The following METTL15 variants were observed in gnomAD, a reference collection of about 807,000 sequenced individuals.
METTL15 encodes the protein 12S rRNA N(4)-cytidine methyltransferase METTL15.
A neutral mutation model predicts 38.3 loss-of-function variants in METTL15; 34 were observed. That is an observed-to-expected ratio of 0.89 (90% CI 0.68 to 1.18). The LOEUF (loss-of-function observed/expected upper bound fraction) is 1.18. Ranked by LOEUF, METTL15 falls within the 50% of genes most tolerant of loss-of-function variation. METTL15 has a pLI of 0.00. For missense variants in METTL15, 438 were observed against 498.4 expected (o/e 0.88, Z 1.15); for synonymous variants, 162 against 170.9 (o/e 0.95, Z 0.41).
At chr11:28,296,634 A>G (rs1310351042) in intron 5 of METTL15, 119 bp from the exon 6 acceptor site, 2 of 1,029,796 alleles carry the variant, frequency 1.9e-6, no homozygotes, top group Non-Finnish European at 2.8e-6. Context: ...CTGACTTTAA[A>G]ACCTCACTTC....
chr11:28,395,811 C>T (rs553750785), intron 5 of METTL15, among the ~76,000 whole-genome samples: 19 of 152,224 alleles, frequency 1.2e-4, no homozygotes, highest in Non-Finnish European at 2.2e-4. Context: ...AATTTTAGAC[C>T]AATATCCCTG....
chr11:28,286,049 T>A (rs998193199), intron 4 of METTL15, among the ~76,000 whole-genome samples: 6 of 152,098 alleles, frequency 3.9e-5, no homozygotes, highest in Non-Finnish European at 8.8e-5. Flanking sequence ...GATAAATATA[T>A]ATATATGATA....
intron 5 of METTL15, among the ~76,000 whole-genome samples, chr11:28,405,191 A>G (rs1850663670): frequency 6.6e-6 from 1 of 152,068 alleles, no homozygotes; most frequent in African/African-American, 2.4e-5. Context: ...CTTTTTCACT[A>G]TATTATGTGC....
intron 5 of METTL15, among the ~76,000 whole-genome samples, chr11:28,295,662 A>C (rs1856704649): frequency 6.6e-6 from 1 of 152,088 alleles, no homozygotes. Flanking sequence ...ACAAAGAGAC[A>C]TCAAGAGAGA....
At chr11:28,391,996 G>T (rs1479535483) in intron 5 of METTL15, among the ~76,000 whole-genome samples, 1 of 152,114 alleles carries the variant, frequency 6.6e-6, no homozygotes, top group Non-Finnish European at 1.5e-5. Context: ...CTTCTGCACA[G>T]CAAAAGAAAC....
At chr11:28,200,266 T>G (rs1212072227) in intron 3 of METTL15, among the ~76,000 whole-genome samples, 1 of 152,174 alleles carries the variant, frequency 6.6e-6, no homozygotes, top group East Asian at 1.9e-4. Context: ...TTTACCTAAC[T>G]CTTCCTAAAC....
At chr11:28,503,102 T>C (rs1231916508) in intron 6 of METTL15, among the ~76,000 whole-genome samples, 1 of 152,148 alleles carries the variant, frequency 6.6e-6, no homozygotes, top group Non-Finnish European at 1.5e-5. Context: ...GACTCAGGCA[T>C]TAGATGGGTC....
intron 3 of METTL15, among the ~76,000 whole-genome samples, chr11:28,181,578 G>A (rs1348122027): frequency 9.0e-6 from 1 of 111,702 alleles, no homozygotes; most frequent in Non-Finnish European, 2.1e-5. Flanking sequence ...CTCTGCAAAG[G>A]ACATAAACTC....
rs1448773803 is a variant in METTL15, at chr11:28,258,394, T to G, written c.408-31812T>G. On this transcript the variant is annotated intron_variant, in intron 4 of 6. Coordinates refer to ENST00000407364, the MANE Select transcript of METTL15 (RefSeq NM_001113528.2). ...AACTACTCCCTGTCTACTGCCTATG[T>G]TCACTTCAGGCCCTGAGGCTCAACA... Among the ~76,000 whole-genome samples the G allele has an allele frequency of 2.0e-5, 3 of 152,234 alleles. No individual in the cohort carries two copies. The South Asian group carries it at 6.2e-4, about 32-fold the overall frequency.
At chr11:28,372,888 C>T (rs542742579) in intron 5 of METTL15, among the ~76,000 whole-genome samples, 15 of 146,360 alleles carry the variant, frequency 1.0e-4, no homozygotes, top group African/African-American at 3.5e-4. Flanking sequence ...TTTGTTCTTG[C>T]GATAGTTTAC....
chr11:28,473,954 C>A (rs1353537640), intron 6 of METTL15, among the ~76,000 whole-genome samples: 2 of 151,874 alleles, frequency 1.3e-5, no homozygotes, highest in Non-Finnish European at 2.9e-5. Flanking sequence ...TACCCCAGGG[C>A]AGAATTGATA....
intron 6 of METTL15, among the ~76,000 whole-genome samples, chr11:28,491,016 CAAT>C (rs1851489995): frequency 6.6e-6 from 1 of 152,104 alleles, no homozygotes; most frequent in Non-Finnish European, 1.5e-5. Context: ...AGTTATTGCT[CAAT>C]ATTATCTTTA....
At chr11:28,299,689 G>A (rs1383591037) in intron 6 of METTL15, among the ~76,000 whole-genome samples, 1 of 152,072 alleles carries the variant, frequency 6.6e-6, no homozygotes, top group Non-Finnish European at 1.5e-5. Flanking sequence ...AATTGGAAGG[G>A]CACAAGTTCC....
Position 28,211,093 on chromosome 11 carries a change from G to A in METTL15, c.302G>A (p.Gly101Glu), listed in dbSNP as rs778038679. 3.1e-6 allele frequency: 5 copies of A among 1,610,862 alleles called. No homozygotes were observed. The highest frequency in any genetic ancestry group is 1.1e-5 in the South Asian group (1 of 90,762). The change falls in exon 4 of 7, where the codon GGG (glycine) becomes GAG (glutamate). Residue 101 changes from glycine to glutamate, a missense_variant. Coordinates refer to ENST00000407364, the MANE Select transcript of METTL15 (RefSeq NM_001113528.2). ...CTAGATATGACATTTGGTTCGGGAG[G>A]GCACACAAAAGCCATTCTGCAGAAG... ...IFLDMTFGSG[G>E]HTKAILQKES... is the part of the protein sequence containing the mutation.
intron 4 of METTL15, among the ~76,000 whole-genome samples, chr11:28,266,684 A>G (rs1405852166): frequency 2.0e-5 from 3 of 152,120 alleles, no homozygotes; most frequent in African/African-American, 4.8e-5. Flanking sequence ...CACCACCTCT[A>G]CTGGTACCAC....
chr11:28,468,872 C>A (rs1314059862), intron 6 of METTL15, among the ~76,000 whole-genome samples: 2 of 152,136 alleles, frequency 1.3e-5, no homozygotes, highest in African/African-American at 4.8e-5. Context: ...TCCCAGGTGG[C>A]ACTCAGTTGG....
At chr11:28,225,531 G>T (rs1315647194) in intron 4 of METTL15, among the ~76,000 whole-genome samples, 3 of 151,290 alleles carry the variant, frequency 2.0e-5, no homozygotes, top group African/African-American at 7.3e-5. Flanking sequence ...AGAAGTCTGA[G>T]GTCAACCCAG....
At chr11:28,392,753 G>A (rs1850524767) in intron 5 of METTL15, among the ~76,000 whole-genome samples, 1 of 152,020 alleles carries the variant, frequency 6.6e-6, no homozygotes, top group Admixed American at 6.6e-5. Flanking sequence ...AAACCACATT[G>A]TTTGAAAAGG....
chr11:28,460,070 C>T (rs1384756717), intron 6 of METTL15, among the ~76,000 whole-genome samples: 1 of 151,900 alleles, frequency 6.6e-6, no homozygotes, highest in Admixed American at 6.6e-5. Flanking sequence ...TTTAAATAAA[C>T]ACATTTTTAT....
Sources: gnomAD v4.1 joint callset for allele counts (sites outside exome capture counted in the v4.1 genomes callset) on GRCh38, gnomAD v4.1.1 for gene constraint, MANE v1.5 for transcripts, NCBI Gene and HGNC (gene_info 2026-07-23, HGNC 2026-07-21) for gene names.